Variants in SLC44A1 observed in about 807,000 individuals in gnomAD.
SLC44A1 encodes choline transporter-like protein 1.
A neutral mutation model predicts 79.3 loss-of-function variants in SLC44A1; 26 were observed. The observed-to-expected ratio is 0.33, with a 90% confidence interval of 0.24 to 0.46. SLC44A1 has a LOEUF of 0.46. Among genes scored for constraint, SLC44A1 ranks in the 20% least tolerant of loss-of-function variants. The pLI is 1.00. For missense variants in SLC44A1, 688 were observed against 798.1 expected (o/e 0.86, Z 1.66); for synonymous variants, 263 against 286.2 (o/e 0.92, Z 0.82).
At chr9:105,262,062 G>A (rs1455367753) in intron 1 of SLC44A1, among the ~76,000 whole-genome samples, 1 of 152,106 alleles carries the variant, frequency 6.6e-6, no homozygotes, top group Non-Finnish European at 1.5e-5. Context: ...GGGATTACAG[G>A]TGTGAGCCAC....
At chr9:105,412,346 G>A (rs2131508205) in intron 15 of SLC44A1, among the ~76,000 whole-genome samples, 1 of 151,872 alleles carries the variant, frequency 6.6e-6, no homozygotes, top group African/African-American at 2.4e-5. Context: ...GCCCATTCAA[G>A]CTGGCTCCTG....
intron 15 of SLC44A1, among the ~76,000 whole-genome samples, chr9:105,422,070 C>T (rs1168969950): frequency 6.6e-6 from 1 of 152,168 alleles, no homozygotes; most frequent in Admixed American, 6.5e-5. Flanking sequence ...ACTCTCCTAC[C>T]TGAGTGATGA....
intron 13 of SLC44A1, among the ~76,000 whole-genome samples, chr9:105,379,100 C>T (rs976281674): frequency 6.6e-6 from 1 of 152,114 alleles, no homozygotes; most frequent in Non-Finnish European, 1.5e-5. Context: ...CATGGCGAAA[C>T]CCCATCTCTG....
intron 4 of SLC44A1, 137 bp from the exon 5 acceptor site, chr9:105,348,216 TTATAA>T (rs1432155990): frequency 2.6e-5 from 14 of 540,080 alleles, no homozygotes; most frequent in African/African-American, 1.9e-4. Context: ...GATTGAGGAC[TTATAA>T]TATGGATCAA....
rs1827005883 is a variant in SLC44A1 at position 105,338,963 on chromosome 9, A to G, written c.406+3264A>G. On this transcript the variant is annotated intron_variant, in intron 4 of 15. Coordinates refer to ENST00000374720, the MANE Select transcript of SLC44A1 (RefSeq NM_080546.5). ...GTTAAAGGTCCATGAAAGAGCCTAAATGTAAGAGCTAAAACTGCAAAAACT... is the reference window on the plus strand; with the variant it reads ...GTTAAAGGTCCATGAAAGAGCCTAAGTGTAAGAGCTAAAACTGCAAAAACT... 3.9e-5 allele frequency among the ~76,000 whole-genome samples: 6 copies of G among 152,340 alleles called. 1 individual carries two copies. In the South Asian group the frequency reaches 1.2e-3, roughly 32 times the overall value.
chr9:105,259,400 G>C (rs1829789924), intron 1 of SLC44A1, among the ~76,000 whole-genome samples: 1 of 152,222 alleles, frequency 6.6e-6, no homozygotes, highest in South Asian at 2.1e-4. Flanking sequence ...AGGCTCTGGA[G>C]AGCAGTAAGA....
intron 1 of SLC44A1, among the ~76,000 whole-genome samples, chr9:105,291,697 G>A (rs915329176): frequency 5.3e-5 from 8 of 152,168 alleles, no homozygotes; most frequent in South Asian, 2.1e-4. Context: ...CTTTTCATCA[G>A]AATCTGGGAA....
chr9:105,421,523 A>C (rs1472346657), intron 15 of SLC44A1, among the ~76,000 whole-genome samples: 1 of 152,118 alleles, frequency 6.6e-6, no homozygotes, highest in Non-Finnish European at 1.5e-5. Flanking sequence ...CATTCAGAGA[A>C]TAGAGCAGCG....
At chr9:105,416,637 T>C (rs932610199) in intron 15 of SLC44A1, among the ~76,000 whole-genome samples, 17 of 152,158 alleles carry the variant, frequency 1.1e-4, no homozygotes, top group African/African-American at 4.1e-4. Context: ...TTGCGGCATA[T>C]GCACTTGGAA....
chr9:105,323,215 C>CAAAAAAAAAAAAAAAAAAAAAAAAAAA, intron 3 of SLC44A1, among the ~76,000 whole-genome samples: 1 of 76,594 alleles, frequency 1.3e-5, no homozygotes, highest in Non-Finnish European at 2.9e-5. Flanking sequence ...AACTCCATCT[C>CAAAAAAAAAAAAAAAAAAAAAAAAAAA]AAAAAAAAAA....
intron 15 of SLC44A1, among the ~76,000 whole-genome samples, chr9:105,388,498 G>C (rs1191808757): frequency 6.6e-6 from 1 of 152,000 alleles, no homozygotes; most frequent in African/African-American, 2.4e-5. Context: ...TTTAATTTAG[G>C]CTTCATTTTT....
rs972566350 is a variant in SLC44A1 at position 105,336,961 on chromosome 9, A to C, written c.406+1262A>C. Among the ~76,000 whole-genome samples the C allele has an allele frequency of 4.6e-5, 7 of 152,142 alleles. No individual in the cohort carries two copies. The East Asian group carries it at 1.3e-3, about 29-fold the overall frequency. On this transcript the variant is annotated intron_variant, in intron 4 of 15. Coordinates refer to ENST00000374720, the MANE Select transcript of SLC44A1 (RefSeq NM_080546.5). ...GGATTAAAAATAATACTCCCTCATA[A>C]GTTGTTATGAAGATTAAATAAGATG...
At chr9:105,438,398 T>G in exon 16 of SLC44A1, 1 of 914,796 alleles carries the variant, frequency 1.1e-6, no homozygotes, top group South Asian at 1.6e-5. Context: ...GAGCAGGATC[T>G]TATTACTTCA....
intron 2 of SLC44A1, chr9:105,299,934 T>C (rs1830831791): frequency 1.0e-6 from 1 of 985,412 alleles, no homozygotes; most frequent in Admixed American, 6.1e-5. Context: ...GTTGCTGGTA[T>C]AAGGTATTAA....
chr9:105,336,134 A>T (rs995043994), intron 4 of SLC44A1, among the ~76,000 whole-genome samples: 12 of 144,988 alleles, frequency 8.3e-5, no homozygotes, highest in Non-Finnish European at 1.2e-4. Flanking sequence ...GTGTGTGTGC[A>T]TGTGTGTGTG....
intron 15 of SLC44A1, among the ~76,000 whole-genome samples, chr9:105,411,350 T>C (rs765981146): frequency 7.6e-4 from 116 of 151,848 alleles, no homozygotes; most frequent in Non-Finnish European, 1.5e-3. Context: ...TCTTCCCTTC[T>C]CCTTCCCCTT....
intron 3 of SLC44A1, among the ~76,000 whole-genome samples, chr9:105,311,303 C>A (rs541509104): frequency 6.6e-6 from 1 of 152,170 alleles, no homozygotes; most frequent in Non-Finnish European, 1.5e-5. Flanking sequence ...TTATTTAACT[C>A]TTTAATGCTG....
chr9:105,382,308 A>G (rs553160067), intron 13 of SLC44A1, among the ~76,000 whole-genome samples: 1 of 152,294 alleles, frequency 6.6e-6, no homozygotes, highest in African/African-American at 2.4e-5. Context: ...TTTAAAAACC[A>G]CAAAAAATTT....
At chr9:105,359,194 A>ACT (rs1827709660) in intron 7 of SLC44A1, among the ~76,000 whole-genome samples, 2 of 152,194 alleles carry the variant, frequency 1.3e-5, no homozygotes, top group South Asian at 4.1e-4. Flanking sequence ...TTTAGTAGGA[A>ACT]CTACTGGTCC....
Sources: allele counts gnomAD v4.1 joint callset (sites outside exome capture counted in the v4.1 genomes callset), GRCh38; gene constraint gnomAD v4.1.1; transcripts MANE v1.5; gene names NCBI Gene and HGNC (gene_info 2026-07-23, HGNC 2026-07-21).